Variants in MGA observed in about 807,000 individuals in gnomAD.
The protein encoded by MGA is MAX gene-associated protein.
In MGA, 40 loss-of-function variants were observed where a neutral mutation model predicts 261.1. That is an observed-to-expected ratio of 0.15 (90% CI 0.12 to 0.20). The LOEUF (loss-of-function observed/expected upper bound fraction) is 0.20, where lower values mean the gene tolerates loss of function less well. Among genes scored for constraint, MGA ranks in the 10% least tolerant of loss-of-function variants. MGA has a pLI of 1.00. For missense variants in MGA, 3,397 were observed against 3,630.5 expected (o/e 0.94, Z 1.65); for synonymous variants, 1,302 against 1,290.6 (o/e 1.01, Z -0.19).
chr15:41,671,868 G>GT (rs2058080554), intron 2 of MGA, among the ~76,000 whole-genome samples: 1 of 152,126 alleles, frequency 6.6e-6, no homozygotes, highest in Non-Finnish European at 1.5e-5. Context: ...GCAATGCATA[G>GT]TTTTTTTGTC....
chr15:41,624,474 G>GAGT (rs1445233561), intron 1 of MGA, among the ~76,000 whole-genome samples: 1 of 150,822 alleles, frequency 6.6e-6, no homozygotes, highest in Non-Finnish European at 1.5e-5. Context: ...ACTACAGGCA[G>GAGT]AGTATGCCTG....
intron 13 of MGA, among the ~76,000 whole-genome samples, chr15:41,739,399 A>G (rs1430432094): frequency 6.6e-6 from 1 of 152,220 alleles, no homozygotes; most frequent in South Asian, 2.1e-4. Flanking sequence ...GGCTTAGGTT[A>G]TTGCAACAAT....
intron 1 of MGA, among the ~76,000 whole-genome samples, chr15:41,653,136 G>A (rs1011870485): frequency 6.6e-6 from 1 of 152,116 alleles, no homozygotes; most frequent in Non-Finnish European, 1.5e-5. Context: ...GGAGGCCGAG[G>A]CAGGTGGATC....
rs1488848991 is a variant in MGA at position 41,763,763 on chromosome 15, A to AAAAC, written c.7745-1119_7745-1116dup. ...TGTCTGAAACAAAACAAAACAAAAC[A>AAAAC]AAACAAAAACCCCAAAGTAAATTAG... On this transcript the variant is annotated intron_variant, in intron 22 of 23. Coordinates refer to ENST00000219905, the MANE Select transcript of MGA (RefSeq NM_001164273.2). Among the ~76,000 whole-genome samples, 3 of 152,158 alleles carry AAAAC rather than the reference A, an allele frequency of 2.0e-5. No homozygotes were observed. In the East Asian group the frequency reaches 5.8e-4, roughly 29 times the overall value.
intron 9 of MGA, among the ~76,000 whole-genome samples, chr15:41,715,710 T>C (rs2060598685): frequency 6.6e-6 from 1 of 152,216 alleles, no homozygotes; most frequent in South Asian, 2.1e-4. Context: ...TCTCCTGTTT[T>C]GTGACCAGTG....
intron 1 of MGA, among the ~76,000 whole-genome samples, chr15:41,627,998 G>C (rs545655334): frequency 6.6e-6 from 1 of 152,168 alleles, no homozygotes; most frequent in Admixed American, 6.5e-5. Context: ...TGCGTGCCAG[G>C]TGCTAAGGAT....
intron 19 of MGA, among the ~76,000 whole-genome samples, chr15:41,758,884 C>T (rs1357670380): frequency 6.6e-6 from 1 of 152,046 alleles, no homozygotes; most frequent in African/African-American, 2.4e-5. Context: ...CTGCACAGGA[C>T]AGGAAATATT....
intron 2 of MGA, chr15:41,684,515 A>G (rs914164819): frequency 5.3e-6 from 2 of 375,306 alleles, no homozygotes; most frequent in Non-Finnish European, 1.0e-5. Context: ...TTTTGTTGGA[A>G]AATAGAAGAA....
chr15:41,740,365 C>T (rs887734002), intron 14 of MGA, among the ~76,000 whole-genome samples, 162 bp downstream of exon 14: 5 of 152,004 alleles, frequency 3.3e-5, no homozygotes, highest in African/African-American at 7.3e-5. Flanking sequence ...TTGGGGTTAA[C>T]GTCTGATAAC....
At chr15:41,664,572 T>C (rs566685879) in intron 1 of MGA, among the ~76,000 whole-genome samples, 3 of 152,300 alleles carry the variant, frequency 2.0e-5, no homozygotes, top group African/African-American at 7.2e-5. Flanking sequence ...TTTGCTGCCT[T>C]AGTCATATGA....
chr15:41,718,320 T>TATACAC lies in MGA; in HGVS notation c.3430+4825_3430+4826insTACACA, dbSNP rs1491439160. 7.7e-4 allele frequency: 185 copies of TATACAC among 239,080 alleles called. 1 individual carries two copies. The highest frequency in any genetic ancestry group is 4.2e-3 in the African/African-American group (178 of 42,238). 14.8% of individuals were successfully genotyped at this position (239,080 alleles called of 1,614,324 possible). On this transcript the variant is annotated intron_variant, in intron 9 of 23. Coordinates refer to ENST00000219905, the MANE Select transcript of MGA (RefSeq NM_001164273.2). ...GTGTGTGTATATATATATATATATA[T>TATACAC]ACATATATATATACATGTATAGTAT...
intron 3 of MGA, 105 bp from the exon 4 acceptor site, chr15:41,698,758 T>A: frequency 1.3e-6 from 1 of 783,488 alleles, no homozygotes; most frequent in Non-Finnish European, 2.0e-6. Context: ...ACTGTAGGCA[T>A]GGAGATATTT....
chr15:41,735,470 G>T (rs1273466636), intron 12 of MGA, among the ~76,000 whole-genome samples: 1 of 152,210 alleles, frequency 6.6e-6, no homozygotes, highest in Non-Finnish European at 1.5e-5. Flanking sequence ...GGGCGCAGTG[G>T]CTCACGCCTG....
intron 1 of MGA, among the ~76,000 whole-genome samples, chr15:41,651,263 G>T (rs2057035865): frequency 6.6e-6 from 1 of 152,016 alleles, no homozygotes; most frequent in Non-Finnish European, 1.5e-5. Context: ...AACTTTCTGG[G>T]GACAGATTCA....
upstream of MGA, among the ~76,000 whole-genome samples, chr15:41,656,033 G>T (rs1432989637): frequency 6.6e-6 from 1 of 152,166 alleles, no homozygotes; most frequent in Non-Finnish European, 1.5e-5. Flanking sequence ...ATAGAGTGGA[G>T]CTAATGGTCT....
chr15:41,673,409 C>T (rs968683807), intron 2 of MGA, among the ~76,000 whole-genome samples: 5 of 146,684 alleles, frequency 3.4e-5, no homozygotes, highest in South Asian at 2.2e-4. Context: ...GTAGAGATGG[C>T]GTTTCACCAT....
At chr15:41,649,003 AGT>A (rs2056987536) in intron 1 of MGA, among the ~76,000 whole-genome samples, 1 of 152,090 alleles carries the variant, frequency 6.6e-6, no homozygotes, top group African/African-American at 2.4e-5. Flanking sequence ...GGTGGAATGA[AGT>A]GTGTGGGTGC....
At chr15:41,738,857 A>G (rs1249346678) in intron 13 of MGA, among the ~76,000 whole-genome samples, 1 of 152,186 alleles carries the variant, frequency 6.6e-6, no homozygotes, top group Non-Finnish European at 1.5e-5. Flanking sequence ...AGGCAGAGAT[A>G]TTCTTGATCT....
chr15:41,681,390 G>C (rs796816361), intron 2 of MGA, among the ~76,000 whole-genome samples: 6 of 143,264 alleles, frequency 4.2e-5, no homozygotes, highest in African/African-American at 1.5e-4. Flanking sequence ...AATCCTTGTA[G>C]TATACTCTGT....
Sources: gnomAD v4.1 joint callset for allele counts (sites outside exome capture counted in the v4.1 genomes callset) on GRCh38, gnomAD v4.1.1 for gene constraint, MANE v1.5 for transcripts, NCBI Gene and HGNC (gene_info 2026-07-23, HGNC 2026-07-21) for gene names.